FRMD5: variants seen among roughly 807,000 people sequenced by gnomAD.
FRMD5 encodes FERM domain-containing protein 5.
A neutral mutation model predicts 69.0 loss-of-function variants in FRMD5; 20 were observed. The ratio of observed to expected loss-of-function variants is 0.29; its 90% CI spans 0.20 to 0.42. The LOEUF is 0.42. Ranked by LOEUF, FRMD5 falls within the 10% of genes least tolerant of loss-of-function variation. FRMD5 has a pLI of 1.00. For missense variants in FRMD5, 595 were observed against 708.6 expected (o/e 0.84, Z 1.82); for synonymous variants, 271 against 260.1 (o/e 1.04, Z -0.40).
chr15:44,043,912 A>C (rs1229553757), intron 1 of FRMD5, among the ~76,000 whole-genome samples: 2 of 152,264 alleles, frequency 1.3e-5, no homozygotes, highest in Non-Finnish European at 2.9e-5. Context: ...AACAAAAGTT[A>C]AAATTGACAA....
intron 13 of FRMD5, among the ~76,000 whole-genome samples, chr15:43,877,878 C>G (rs536665224): frequency 6.6e-6 from 1 of 152,322 alleles, no homozygotes; most frequent in African/African-American, 2.4e-5. Flanking sequence ...AGTTCATGAT[C>G]CTGCTGATCA....
At chr15:44,169,910 G>A (rs546006986) in intron 1 of FRMD5, among the ~76,000 whole-genome samples, 22 of 152,186 alleles carry the variant, frequency 1.4e-4, no homozygotes, top group Middle Eastern at 6.8e-3. Context: ...ATATTCAGAG[G>A]TGAATATAAT....
At chr15:43,935,817 A>C (rs189870946) in intron 1 of FRMD5, among the ~76,000 whole-genome samples, 14 of 152,314 alleles carry the variant, frequency 9.2e-5, no homozygotes, top group African/African-American at 3.4e-4. Flanking sequence ...AAAAATCTTA[A>C]CATCTGCTGC....
At chr15:44,196,858 G>A (rs1457073887), upstream of FRMD5, among the ~76,000 whole-genome samples, 1 of 148,230 alleles carries the variant, frequency 6.7e-6, no homozygotes, top group Non-Finnish European at 1.5e-5. Flanking sequence ...CTCCTTTGTG[G>A]CATTTAATAG....
chr15:44,118,916 C>T (rs2076908134), intron 1 of FRMD5, among the ~76,000 whole-genome samples: 1 of 152,126 alleles, frequency 6.6e-6, no homozygotes, highest in Non-Finnish European at 1.5e-5. Flanking sequence ...ACTGGGACTA[C>T]AGGTTCATCC....
At chr15:44,144,170 TTC>T (rs1175684568) in intron 1 of FRMD5, among the ~76,000 whole-genome samples, 1 of 152,188 alleles carries the variant, frequency 6.6e-6, no homozygotes, top group Non-Finnish European at 1.5e-5. Context: ...CCTTCTCGTC[TTC>T]TTTTTTTCTA....
intron 1 of FRMD5, among the ~76,000 whole-genome samples, chr15:43,962,709 T>C (rs908208910): frequency 6.6e-6 from 1 of 152,058 alleles, no homozygotes; most frequent in African/African-American, 2.4e-5. Flanking sequence ...AAAACAGAGA[T>C]ATAGACCAAT....
chr15:43,904,290 T>G (rs996064639), intron 6 of FRMD5, among the ~76,000 whole-genome samples: 3 of 152,230 alleles, frequency 2.0e-5, no homozygotes, highest in Non-Finnish European at 4.4e-5. Flanking sequence ...GCATAGTCTT[T>G]CCTCGGAACA....
chr15:43,932,409 A>C (rs1035891178), intron 1 of FRMD5, among the ~76,000 whole-genome samples: 2 of 152,168 alleles, frequency 1.3e-5, no homozygotes, highest in Admixed American at 6.5e-5. Flanking sequence ...TGATCAGAAG[A>C]GTAGAAAATT....
chr15:43,928,154 C>T (rs2089616833), intron 1 of FRMD5, among the ~76,000 whole-genome samples: 1 of 152,176 alleles, frequency 6.6e-6, no homozygotes, highest in South Asian at 2.1e-4. Context: ...CCTGGTGAAT[C>T]CCCCTGCTCC....
rs1012131618 is a variant in FRMD5 at position 43,991,171 on chromosome 15, G to A, written c.103-66862C>T. ...AGATGCTGTGATTTTTATCATTGTA[G>A]AACTGTATTTTACCCGAAGCTGCCA... On this transcript the variant is annotated intron_variant, in intron 1 of 13. Coordinates refer to ENST00000417257, the MANE Select transcript of FRMD5 (RefSeq NM_032892.5). 3.9e-5 allele frequency among the ~76,000 whole-genome samples: 6 copies of A among 152,302 alleles called. No individual in the cohort carries two copies. In the South Asian group the frequency reaches 1.0e-3, roughly 26 times the overall value.
At chr15:44,015,046 GA>G (rs1241316638) in intron 1 of FRMD5, among the ~76,000 whole-genome samples, 1 of 151,066 alleles carries the variant, frequency 6.6e-6, no homozygotes, top group Non-Finnish European at 1.5e-5. Context: ...CAAAAGAAAA[GA>G]AAAAAACTAT....
At chr15:43,874,947 C>G (rs769273519) in intron 13 of FRMD5, among the ~76,000 whole-genome samples, 9 of 151,970 alleles carry the variant, frequency 5.9e-5, no homozygotes, top group Non-Finnish European at 5.9e-5. Context: ...TGCCTGTAAT[C>G]CCAGCACTTT....
At chr15:44,039,873 C>G (rs184811269) in intron 1 of FRMD5, among the ~76,000 whole-genome samples, 1 of 152,100 alleles carries the variant, frequency 6.6e-6, no homozygotes, top group Non-Finnish European at 1.5e-5. Flanking sequence ...ATAACAAACT[C>G]CTCTGAACTA....
chr15:44,063,581 A>G (rs1266648548), intron 1 of FRMD5: 2 of 525,158 alleles, frequency 3.8e-6, no homozygotes, highest in Non-Finnish European at 7.4e-6. Flanking sequence ...GCTGCTTTTA[A>G]CTCTGGCAAA....
At chr15:44,185,863 A>T (rs1392168481) in intron 1 of FRMD5, among the ~76,000 whole-genome samples, 1 of 151,666 alleles carries the variant, frequency 6.6e-6, no homozygotes, top group East Asian at 1.9e-4. Flanking sequence ...TCCATCTTAA[A>T]TTACCTCTGG....
At chr15:43,978,030 T>C (rs1252432727) in intron 1 of FRMD5, among the ~76,000 whole-genome samples, 3 of 151,970 alleles carry the variant, frequency 2.0e-5, no homozygotes, top group Non-Finnish European at 2.9e-5. Context: ...AACTTTATTA[T>C]AAAAACCTCC....
intron 7 of FRMD5, among the ~76,000 whole-genome samples, chr15:43,900,894 G>A (rs2089030261): frequency 6.6e-6 from 1 of 152,164 alleles, no homozygotes; most frequent in African/African-American, 2.4e-5. Flanking sequence ...TGGGATAACA[G>A]GTGTGAGCCA....
intron 1 of FRMD5, among the ~76,000 whole-genome samples, chr15:44,095,909 T>C (rs1231261411): frequency 6.6e-6 from 1 of 152,124 alleles, no homozygotes; most frequent in Non-Finnish European, 1.5e-5. Context: ...CTACTCTTAC[T>C]ACATAAGAGT....
Sources: allele counts gnomAD v4.1 joint callset (sites outside exome capture counted in the v4.1 genomes callset), GRCh38; gene constraint gnomAD v4.1.1; transcripts MANE v1.5; gene names NCBI Gene and HGNC (gene_info 2026-07-23, HGNC 2026-07-21).